JPH1: variants seen among roughly 807,000 people sequenced by gnomAD.
The protein encoded by JPH1 is junctophilin 1.
JPH1 carries 12 observed loss-of-function variants against 53.6 expected under a neutral mutation model. The observed-to-expected ratio is 0.22, with a 90% CI of 0.14 to 0.36. The LOEUF (loss-of-function observed/expected upper bound fraction) is 0.36. JPH1 is among the 10% of genes least tolerant of loss of function. The probability of loss-of-function intolerance (pLI) is 1.00; values close to 1 mark genes in which losing one functional copy is unlikely to be tolerated. For missense variants in JPH1, 808 were observed against 905.5 expected (o/e 0.89, Z 1.38); for synonymous variants, 375 against 363.8 (o/e 1.03, Z -0.35).
chr8:74,304,063 T>C (rs1807762867), intron 2 of JPH1, among the ~76,000 whole-genome samples: 1 of 152,166 alleles, frequency 6.6e-6, no homozygotes, highest in South Asian at 2.1e-4. Context: ...ATCCTTTGGT[T>C]CTCACTCTGG....
chr8:74,321,410 C>A lies in JPH1; in HGVS notation c.-123G>T. On this transcript the variant is annotated 5_prime_UTR_variant, in exon 1 of 6. Transcript: ENST00000342232. This position sits in a 1 kb window ranked among gnomAD's most constrained non-coding sequence, Gnocchi z 4.3. ...GCTCACGACAGCGCCCTGGGCAGCT[C>A]GCGCTGCCGCTCGGCTCCAGTCCGA... 1.6e-5 allele frequency: 15 copies of A among 958,384 alleles called. No individual in the cohort carries two copies. The highest frequency in any genetic ancestry group is 2.0e-5 in the Non-Finnish European group (14 of 706,338). The allele number at this position is 958,384 out of a possible 1,614,324, so 59.4% of individuals were successfully genotyped here. A position where few individuals can be genotyped will look rare whatever the true frequency, so the allele number is the denominator to read the frequency against.
chr8:74,314,814 A>T (rs779856706), intron 2 of JPH1, 47 bp downstream of exon 2: 72 of 1,602,504 alleles, frequency 4.5e-5, no homozygotes, highest in Non-Finnish European at 5.3e-5. Context: ...TTGATACTCC[A>T]TTGTTCTGAC....
intron 2 of JPH1, among the ~76,000 whole-genome samples, chr8:74,264,636 A>G (rs972501944): frequency 6.6e-6 from 1 of 152,218 alleles, no homozygotes. Context: ...TAGGCTTTGA[A>G]AGTATTAATA....
intron 2 of JPH1, among the ~76,000 whole-genome samples, chr8:74,312,784 T>G (rs919856372): frequency 6.6e-6 from 1 of 152,244 alleles, no homozygotes; most frequent in South Asian, 2.1e-4. Flanking sequence ...AGTGAGATCA[T>G]GCAGTATTTG....
At chr8:74,289,278 C>G (rs990985078) in intron 2 of JPH1, among the ~76,000 whole-genome samples, 1 of 152,220 alleles carries the variant, frequency 6.6e-6, no homozygotes. Context: ...CCATTGCAGT[C>G]TGGCAATGCC....
intron 2 of JPH1, among the ~76,000 whole-genome samples, chr8:74,303,969 C>T (rs546386191): frequency 2.3e-4 from 35 of 152,282 alleles, no homozygotes; most frequent in Admixed American, 1.8e-3. Context: ...CTTTCCCAAC[C>T]ACAATGTACA....
chr8:74,249,934 G>A (rs1325380798), intron 3 of JPH1, among the ~76,000 whole-genome samples: 1 of 152,160 alleles, frequency 6.6e-6, no homozygotes, highest in African/African-American at 2.4e-5. Flanking sequence ...TGAAGACAAA[G>A]CTCGTTGGGG....
chr8:74,287,607 T>C (rs751837200), intron 2 of JPH1, among the ~76,000 whole-genome samples: 5 of 152,046 alleles, frequency 3.3e-5, no homozygotes, highest in Non-Finnish European at 7.4e-5. Flanking sequence ...TTCAAAATGA[T>C]TTTTGAGAAG....
In JPH1 at chr8:74,265,102, T is replaced by C. The variant is rs764888419; in HGVS notation, c.1140-5599A>G. On this transcript the variant is annotated intron_variant, in intron 2 of 5. Coordinates refer to ENST00000342232, the MANE Select transcript of JPH1 (RefSeq NM_020647.4). ...ATGTATGTAACTCATTATAGTGTCC[T>C]GCAAATACTTTTTGGAAAGCAGAAT... is the stretch of plus-strand genomic sequence containing the variant. Among the ~76,000 whole-genome samples the C allele has an allele frequency of 6.5e-4, 99 of 152,188 alleles. 2 individuals carry two copies. Among genetic ancestry groups the C allele is most frequent in the Non-Finnish European group, 7.1e-4 (48 of 68,026 alleles).
intron 2 of JPH1, among the ~76,000 whole-genome samples, chr8:74,275,104 T>G (rs1342194550): frequency 2.0e-5 from 3 of 152,220 alleles, no homozygotes; most frequent in Non-Finnish European, 4.4e-5. Context: ...GCTTTTGTTT[T>G]CTGGAATAAG....
intron 3 of JPH1, among the ~76,000 whole-genome samples, chr8:74,248,471 G>T (rs1805930872): frequency 6.6e-6 from 1 of 152,162 alleles, no homozygotes; most frequent in Admixed American, 6.5e-5. Context: ...TTTAACAAAT[G>T]ATCCGAGTGA....
chr8:74,273,368 C>T (rs1025821818), intron 2 of JPH1, among the ~76,000 whole-genome samples: 27 of 152,188 alleles, frequency 1.8e-4, no homozygotes, highest in African/African-American at 6.0e-4. Flanking sequence ...ATTTGGGGCA[C>T]ATACTTAACT....
intron 3 of JPH1, among the ~76,000 whole-genome samples, chr8:74,256,169 T>C (rs1371676902): frequency 1.3e-5 from 2 of 151,988 alleles, no homozygotes; most frequent in Non-Finnish European, 2.9e-5. Context: ...TAGACTGGAT[T>C]AAGAAAATGT....
At chr8:74,261,421 T>C (rs1806393084) in intron 2 of JPH1, among the ~76,000 whole-genome samples, 1 of 152,174 alleles carries the variant, frequency 6.6e-6, no homozygotes, top group Non-Finnish European at 1.5e-5. Flanking sequence ...AATAAAGTCA[T>C]TAAAAATGAG....
rs1196917218 is a variant in JPH1, at chr8:74,244,783, G to T, written c.1651C>A (p.His551Asn). 1.2e-6 allele frequency: 2 copies of T among 1,614,070 alleles called. No homozygotes were observed. Among genetic ancestry groups the T allele is most frequent in the Non-Finnish European group, 8.5e-7 (1 of 1,180,044 alleles). ...GCGTTCAGCTTCACGTAGTAGCCGTGATACTGAGAATGCAGCTCCCCGTTA... is the reference window on the plus strand; with the variant it reads ...GCGTTCAGCTTCACGTAGTAGCCGTTATACTGAGAATGCAGCTCCCCGTTA... ...PSNGELHSQYHGYYVKLNAPQ... is the reference protein window; with the variant it reads ...PSNGELHSQYNGYYVKLNAPQ... Residue 551 changes from histidine (H) to asparagine (N), a missense_variant, in exon 4 of 6, where the codon CAC (histidine) becomes AAC (asparagine). By Grantham distance (68) the His-to-Asn change is moderately conservative (BLOSUM62 1). Around this residue, in one of 2 missense-constraint regions of JPH1, gnomAD observed 756 missense variants for 811.9 expected, o/e 0.93. Transcript: ENST00000342232.
chr8:74,280,754 T>C (rs1160800270), intron 2 of JPH1, among the ~76,000 whole-genome samples: 1 of 152,238 alleles, frequency 6.6e-6, no homozygotes, highest in Non-Finnish European at 1.5e-5. Flanking sequence ...TGAATATTTA[T>C]ATAAGACTAT....
chr8:74,294,084 G>A (rs1437930482), intron 2 of JPH1, among the ~76,000 whole-genome samples: 1 of 152,158 alleles, frequency 6.6e-6, no homozygotes, highest in Admixed American at 6.6e-5. Context: ...TGGTGGTGGG[G>A]GAAAATCCTG....
At chr8:74,247,367 T>C (rs1805888434) in intron 3 of JPH1, among the ~76,000 whole-genome samples, 1 of 152,208 alleles carries the variant, frequency 6.6e-6, no homozygotes, top group South Asian at 2.1e-4. Context: ...CAAAGATAAT[T>C]AAAATAGTCA....
chr8:74,315,151 G>A lies in JPH1; in HGVS notation c.849C>T (p.Gly283=). The A allele has an allele frequency of 1.9e-6, 3 of 1,614,160 alleles. No homozygotes were observed. Among genetic ancestry groups the A allele is most frequent in the Non-Finnish European group, 2.5e-6 (3 of 1,180,026 alleles). ...VDATTTETYM[G]EWKNDKRNGF... ...CGTTGCGCTTGTCGTTCTTCCACTC[G>A]CCCATGTAGGTTTCCGTGGTGGTGG... Residue 283 remains glycine, a synonymous_variant, in exon 2 of 6, where the codon GGC becomes GGT. Coordinates refer to ENST00000342232, the MANE Select transcript of JPH1 (RefSeq NM_020647.4). The surrounding 1 kb of genome is among the most constrained non-coding windows in gnomAD (Gnocchi z 6.3).
Sources: gnomAD v4.1 joint callset for allele counts (sites outside exome capture counted in the v4.1 genomes callset) on GRCh38, gnomAD v4.1.1 for gene constraint, gnomAD v4.1.1 regional missense constraint, Gnocchi (gnomAD v3.1) non-coding constraint, MANE v1.5 for transcripts, NCBI Gene and HGNC (gene_info 2026-07-23, HGNC 2026-07-21) for gene names.